Variants in FHOD3 observed in about 807,000 individuals in gnomAD.
FHOD3 encodes FH1/FH2 domain-containing protein 3.
A neutral mutation model predicts 173.0 loss-of-function variants in FHOD3; 90 were observed. That is an observed-to-expected ratio of 0.52 (90% confidence interval 0.44 to 0.62). The LOEUF is 0.62. Ranked by LOEUF, FHOD3 falls within the 20% of genes least tolerant of loss-of-function variation. The pLI is 0.00. For missense variants in FHOD3, 1,945 were observed against 2,034.7 expected (o/e 0.96, Z 0.85); for synonymous variants, 828 against 823.0 (o/e 1.01, Z -0.10).
chr18:36,547,439 C>T (rs2057456906), intron 5 of FHOD3, among the ~76,000 whole-genome samples: 1 of 152,064 alleles, frequency 6.6e-6, no homozygotes, highest in South Asian at 2.1e-4. Flanking sequence ...TAAACCATCT[C>T]ATTTTATATT....
intron 3 of FHOD3, among the ~76,000 whole-genome samples, chr18:36,483,492 C>A (rs2054037879): frequency 6.6e-6 from 1 of 152,200 alleles, no homozygotes; most frequent in Non-Finnish European, 1.5e-5. Context: ...ATTACTTTAT[C>A]CATCTACTGA....
intron 15 of FHOD3, among the ~76,000 whole-genome samples, chr18:36,683,978 A>G (rs1029063576): frequency 1.3e-5 from 2 of 152,230 alleles, no homozygotes; most frequent in African/African-American, 4.8e-5. Context: ...AAACCCAAGG[A>G]GCCAGAAAGT....
At chr18:36,585,057 C>T (rs2058981237) in intron 6 of FHOD3, among the ~76,000 whole-genome samples, 1 of 152,108 alleles carries the variant, frequency 6.6e-6, no homozygotes, top group Non-Finnish European at 1.5e-5. Flanking sequence ...AATTTTTAAA[C>T]TACAATATTT....
At chr18:36,713,044 A>G (rs2040257516) in intron 18 of FHOD3, among the ~76,000 whole-genome samples, 1 of 152,204 alleles carries the variant, frequency 6.6e-6, no homozygotes, top group African/African-American at 2.4e-5. Flanking sequence ...GAATGAAGGG[A>G]AAATAAGACA....
At chr18:36,556,531 G>T (rs2147506877) in intron 5 of FHOD3, among the ~76,000 whole-genome samples, 1 of 152,178 alleles carries the variant, frequency 6.6e-6, no homozygotes, top group African/African-American at 2.4e-5. Flanking sequence ...CTTATCACAG[G>T]CTTTGTTCAG....
At chr18:36,662,092 GAAAC>G (rs1458000985) in intron 14 of FHOD3, among the ~76,000 whole-genome samples, 1 of 152,206 alleles carries the variant, frequency 6.6e-6, no homozygotes, top group Non-Finnish European at 1.5e-5. Flanking sequence ...GTATTCAAAT[GAAAC>G]AAACAAGCAA....
intron 5 of FHOD3, among the ~76,000 whole-genome samples, chr18:36,523,839 C>G (rs541320148): frequency 6.6e-5 from 10 of 152,302 alleles, no homozygotes; most frequent in African/African-American, 2.4e-4. Flanking sequence ...CCCTCTTCTG[C>G]ATGCTCCATA....
intron 3 of FHOD3, among the ~76,000 whole-genome samples, chr18:36,389,303 G>T (rs755795714): frequency 1.3e-5 from 2 of 152,108 alleles, no homozygotes; most frequent in Non-Finnish European, 2.9e-5. Context: ...CAACACTGAA[G>T]AACTCACCTT....
At chr18:36,536,499 A>G (rs2056998306) in intron 5 of FHOD3, among the ~76,000 whole-genome samples, 1 of 152,096 alleles carries the variant, frequency 6.6e-6, no homozygotes, top group Non-Finnish European at 1.5e-5. Flanking sequence ...ACATCGCTGT[A>G]CTCTTTCTGC....
intron 1 of FHOD3, among the ~76,000 whole-genome samples, chr18:36,353,674 A>G (rs1035626996): frequency 6.6e-6 from 1 of 152,178 alleles, no homozygotes; most frequent in Non-Finnish European, 1.5e-5. Flanking sequence ...TCCTCATAAT[A>G]TTAATCTCAA....
intron 16 of FHOD3, among the ~76,000 whole-genome samples, chr18:36,690,799 ATG>A (rs2038918071): frequency 1.3e-5 from 2 of 152,178 alleles, no homozygotes; most frequent in Admixed American, 1.3e-4. Flanking sequence ...ACCATTTTAA[ATG>A]TGTATTTCAG....
At chr18:36,707,325 G>T (rs897113274) in intron 17 of FHOD3, among the ~76,000 whole-genome samples, 1 of 152,078 alleles carries the variant, frequency 6.6e-6, no homozygotes. Context: ...CTGGAAGCAG[G>T]TTCCTGCCCC....
intron 28 of FHOD3, among the ~76,000 whole-genome samples, chr18:36,776,735 A>C (rs150589484): frequency 1.8e-4 from 27 of 152,334 alleles, no homozygotes; most frequent in African/African-American, 5.5e-4. Context: ...ACATGAGCCC[A>C]GACCAGAGGG....
chr18:36,582,657 C>G (rs1399693415), intron 6 of FHOD3, among the ~76,000 whole-genome samples: 1 of 152,192 alleles, frequency 6.6e-6, no homozygotes, highest in African/African-American at 2.4e-5. Flanking sequence ...ATGGCTGCTA[C>G]AGATAGTACT....
At chr18:36,593,837 C>A (rs376884466) in intron 6 of FHOD3, among the ~76,000 whole-genome samples, 1 of 152,182 alleles carries the variant, frequency 6.6e-6, no homozygotes, top group Non-Finnish European at 1.5e-5. Context: ...TTGCCCATAG[C>A]GGGATGGGGC....
At chr18:36,406,345 T>C (rs1286241813) in intron 3 of FHOD3, among the ~76,000 whole-genome samples, 1 of 152,234 alleles carries the variant, frequency 6.6e-6, no homozygotes. Flanking sequence ...TGCCTTGTTT[T>C]ATTACTCTTA....
At chr18:36,408,700 G>A (rs983047293) in intron 3 of FHOD3, among the ~76,000 whole-genome samples, 1 of 151,984 alleles carries the variant, frequency 6.6e-6, no homozygotes, top group Non-Finnish European at 1.5e-5. Flanking sequence ...GGAGTTGGCA[G>A]GAAGGAGCCA....
intron 3 of FHOD3, among the ~76,000 whole-genome samples, chr18:36,387,799 A>G (rs917323715): frequency 4.6e-5 from 7 of 151,982 alleles, no homozygotes; most frequent in Admixed American, 3.3e-4. Context: ...CTGGGCTTCT[A>G]GTGCTACCGT....
intron 5 of FHOD3, among the ~76,000 whole-genome samples, chr18:36,557,174 C>T (rs894916894): frequency 6.6e-6 from 1 of 152,060 alleles, no homozygotes; most frequent in African/African-American, 2.4e-5. Flanking sequence ...TGTTATTCCT[C>T]TTGGATCTGT....
Sources: gnomAD v4.1 joint callset for allele counts (sites outside exome capture counted in the v4.1 genomes callset) on GRCh38, gnomAD v4.1.1 for gene constraint, MANE v1.5 for transcripts, NCBI Gene and HGNC (gene_info 2026-07-23, HGNC 2026-07-21) for gene names.